Variants in GPM6B observed in about 807,000 individuals in gnomAD.
GPM6B encodes the protein neuronal membrane glycoprotein M6-b.
A neutral mutation model predicts 27.2 loss-of-function variants in GPM6B; 4 were observed. The observed-to-expected ratio is 0.15, with a 90% CI of 0.07 to 0.34. GPM6B has a LOEUF of 0.34. Among genes scored for constraint, GPM6B ranks in the 10% least tolerant of loss-of-function variants. The pLI is 1.00. For synonymous variants in GPM6B, 124 were observed against 103.1 expected (o/e 1.20, Z -1.23); for missense variants, 183 against 261.9 (o/e 0.70, Z 2.08).
rs746540591 is a variant in GPM6B, at chrX:13,861,187, C to T, written c.-197-75379G>A. The stretch of plus-strand genomic sequence containing the variant: ...CATACATATATATATACACACACAC[C>T]TCATTTTCTTTATCCACTCGTTGAT... On this transcript the variant is annotated intron_variant, in intron 1 of 6. Coordinates refer to the GPM6B transcript ENST00000398361. Among the ~76,000 whole-genome samples, 79 of 109,752 alleles carry T rather than the reference C, an allele frequency of 7.2e-4. 1 individual carries two copies. The South Asian group carries it at 0.031, about 43-fold the overall frequency.
chrX:13,792,901 A>T (rs1178432141), intron 2 of GPM6B, among the ~76,000 whole-genome samples: 2 of 106,533 alleles, frequency 1.9e-5, no homozygotes, highest in African/African-American at 6.8e-5. Flanking sequence ...TCCGTTTAAA[A>T]AAAAAAAAAA....
Position 13,816,965 on chromosome X carries a change from C to T in GPM6B, c.-61G>A, listed in dbSNP as rs1446965974. Reference sequence around the variant, plus strand: ...CCAACACACACTTGTTTTTCCTCCTCTTCCTTTTCTTTTGGACTCCCCTCC... The same window carrying T: ...CCAACACACACTTGTTTTTCCTCCTTTTCCTTTTCTTTTGGACTCCCCTCC... On this transcript the variant is annotated 5_prime_UTR_variant, in exon 1 of 8. Coordinates refer to ENST00000316715, the MANE Select transcript of GPM6B (RefSeq NM_001001995.3). The T allele has an allele frequency of 6.1e-6, 7 of 1,156,177 alleles. No homozygotes were observed. Among genetic ancestry groups the T allele is most frequent in the African/African-American group, 1.8e-5 (1 of 54,442 alleles).
chrX:13,839,620 C>T (rs1298233285), intron 1 of GPM6B, among the ~76,000 whole-genome samples: 2 of 110,927 alleles, frequency 1.8e-5, no homozygotes, highest in African/African-American at 3.3e-5. Context: ...TCTCATGTAC[C>T]GCACACACAC....
chrX:13,900,519 T>C (rs2050272894), intron 1 of GPM6B, among the ~76,000 whole-genome samples: 1 of 110,535 alleles, frequency 9.0e-6, no homozygotes, highest in African/African-American at 3.3e-5. Flanking sequence ...ACATATGAGG[T>C]TGTGCCACGT....
intron 4 of GPM6B, among the ~76,000 whole-genome samples, chrX:13,782,671 G>A (rs1447843208): frequency 9.5e-6 from 1 of 105,501 alleles, no homozygotes; most frequent in South Asian, 4.3e-4. Flanking sequence ...CAGGAGAATC[G>A]CTTGAACCCG....
intron 1 of GPM6B, among the ~76,000 whole-genome samples, chrX:13,815,067 G>A (rs779897682): frequency 2.5e-4 from 28 of 111,752 alleles, no homozygotes; most frequent in Non-Finnish European, 4.7e-4. Flanking sequence ...TATTAAATAA[G>A]ATTTAATTGA....
chrX:13,930,601 G>A (rs1375159274), intron 1 of GPM6B, among the ~76,000 whole-genome samples: 12 of 104,534 alleles, frequency 1.1e-4, no homozygotes, highest in South Asian at 8.7e-4. Context: ...GTAACAGAGC[G>A]AGACTCCGTC....
intron 1 of GPM6B, among the ~76,000 whole-genome samples, chrX:13,836,937 A>C (rs1197045853): frequency 1.8e-5 from 2 of 112,689 alleles, no homozygotes; most frequent in Non-Finnish European, 3.7e-5. Context: ...CCTGCAAAAA[A>C]AATCAACCAC....
intron 1 of GPM6B, among the ~76,000 whole-genome samples, chrX:13,854,688 G>T (rs1467684846): frequency 8.9e-6 from 1 of 111,973 alleles, no homozygotes; most frequent in Non-Finnish European, 1.9e-5. Context: ...GGAAATAAAT[G>T]TTTGAGATGA....
chrX:13,787,332 T>C (rs1268678730), intron 2 of GPM6B, among the ~76,000 whole-genome samples: 4 of 111,539 alleles, frequency 3.6e-5, no homozygotes. Flanking sequence ...CTGAAGTGGA[T>C]TGGGGAAACT....
intron 1 of GPM6B, among the ~76,000 whole-genome samples, chrX:13,936,881 C>G: frequency 8.9e-6 from 1 of 112,462 alleles, no homozygotes; most frequent in East Asian, 2.8e-4. Context: ...TGGAGAAGGT[C>G]CCCGTGTGAT....
rs750398822 is a variant in GPM6B at position 13,804,716 on chromosome X, C to T, written c.181+2934G>A. Among the ~76,000 whole-genome samples, 106 of 108,233 alleles carry T rather than the reference C, an allele frequency of 9.8e-4. 1 individual carries two copies. Among genetic ancestry groups the T allele is most frequent in the Non-Finnish European group, 1.6e-3 (85 of 52,284 alleles). 94.0% of individuals were successfully genotyped at this position (108,233 alleles called of 115,157 possible). A position where few individuals can be genotyped will look rare whatever the true frequency, so the allele number is the denominator to read the frequency against. ...CTGCATGAGTGGGAGAGGCATTTTCCTTTGGCAAAAATTTCCTGGTCAGCC... is the reference window on the plus strand; with the variant it reads ...CTGCATGAGTGGGAGAGGCATTTTCTTTTGGCAAAAATTTCCTGGTCAGCC... On this transcript the variant is annotated intron_variant, in intron 2 of 7. Coordinates refer to ENST00000316715, the MANE Select transcript of GPM6B (RefSeq NM_001001995.3).
chrX:13,880,139 G>GGTTA (rs2050079463), intron 1 of GPM6B, among the ~76,000 whole-genome samples: 1 of 111,755 alleles, frequency 8.9e-6, no homozygotes, highest in African/African-American at 3.3e-5. Flanking sequence ...GCATGTGCAT[G>GGTTA]GTTATGTCAT....
At chrX:13,904,862 T>C (rs1489422989) in intron 1 of GPM6B, among the ~76,000 whole-genome samples, 1 of 110,599 alleles carries the variant, frequency 9.0e-6, no homozygotes, top group African/African-American at 3.3e-5. Flanking sequence ...CTTAAGGCTA[T>C]ACAATAAATT....
At chrX:13,845,688 A>G (rs1056195403) in intron 1 of GPM6B, among the ~76,000 whole-genome samples, 1 of 111,991 alleles carries the variant, frequency 8.9e-6, no homozygotes. Flanking sequence ...ACAACTAGTT[A>G]TATATTTATA....
At chrX:13,807,625 G>A (rs187272134) in intron 2 of GPM6B, 25 bp downstream of exon 2, 8 of 1,110,174 alleles carry the variant, frequency 7.2e-6, no homozygotes, top group African/African-American at 1.8e-5. Flanking sequence ...CTTGCTATTA[G>A]AATTCACCCC....
rs1198252689 is a variant in GPM6B, at chrX:13,771,059, C to T, written c.*1822G>A. The T allele has an allele frequency of 8.9e-6, 1 of 112,268 alleles. No homozygotes were observed. Among genetic ancestry groups the T allele is most frequent in the Non-Finnish European group, 1.9e-5 (1 of 53,125 alleles). The allele number at this position is 112,268 out of a possible 1,213,427, so 9.3% of individuals were successfully genotyped here. A position where few individuals can be genotyped will look rare whatever the true frequency, so the allele number is the denominator to read the frequency against. ...TATTATCTACAAATATTTATTGTAA[C>T]ACTTGAATAGAACTACAGGAAGCCC... On this transcript the variant is annotated 3_prime_UTR_variant, in exon 8 of 8. Transcript: ENST00000316715.
At chrX:13,821,258 C>T (rs1315792125), upstream of GPM6B, among the ~76,000 whole-genome samples, 2 of 112,461 alleles carry the variant, frequency 1.8e-5, no homozygotes, top group Non-Finnish European at 3.8e-5. Context: ...ATGTTAAACT[C>T]ATACATAGGG....
At chrX:13,901,698 A>T (rs2050283960) in intron 1 of GPM6B, among the ~76,000 whole-genome samples, 1 of 111,249 alleles carries the variant, frequency 9.0e-6, no homozygotes, top group African/African-American at 3.3e-5. Context: ...ACACACTTGT[A>T]CCTGAAGGAT....
Sources: gnomAD v4.1 joint callset for allele counts (sites outside exome capture counted in the v4.1 genomes callset) on GRCh38, gnomAD v4.1.1 for gene constraint, MANE v1.5 for transcripts, NCBI Gene and HGNC (gene_info 2026-07-23, HGNC 2026-07-21) for gene names.